TMCO4: variants seen among roughly 807,000 people sequenced by gnomAD.
The protein encoded by TMCO4 is transmembrane and coiled-coil domain-containing protein 4.
A neutral mutation model predicts 64.7 loss-of-function variants in TMCO4; 58 were observed. The observed-to-expected ratio is 0.90, with a 90% CI of 0.73 to 1.12. The LOEUF (loss-of-function observed/expected upper bound fraction) is 1.12, where lower values mean the gene tolerates loss of function less well. Among genes scored for constraint, TMCO4 ranks in the 50% most tolerant of loss-of-function variants. The pLI, the probability that TMCO4 is intolerant of heterozygous loss-of-function variation, is 0.00. For missense variants in TMCO4, 780 were observed against 825.9 expected, an observed-to-expected ratio of 0.94 and a Z score of 0.68; for synonymous variants, 325 against 346.1, an observed-to-expected ratio of 0.94 and a Z score of 0.68.
At chr1:19,707,684 C>T (rs997359072) in intron 13 of TMCO4, among the ~76,000 whole-genome samples, 13 of 152,146 alleles carry the variant, frequency 8.5e-5, no homozygotes, top group Non-Finnish European at 1.6e-4. Flanking sequence ...TTTAGGTGCA[C>T]GCCTAGCCTT....
intron 7 of TMCO4, among the ~76,000 whole-genome samples, chr1:19,752,792 A>G (rs990719578): frequency 6.6e-6 from 1 of 151,752 alleles, no homozygotes; most frequent in Admixed American, 6.6e-5. Flanking sequence ...TGGCTGAGTT[A>G]TGCCACCCCT....
chr1:19,725,537 T>A (rs1421808726), intron 13 of TMCO4, among the ~76,000 whole-genome samples: 1 of 152,144 alleles, frequency 6.6e-6, no homozygotes, highest in African/African-American at 2.4e-5. Context: ...GGTCCCATAG[T>A]GAGTGCTCAG....
At chr1:19,784,262 G>A (rs757695461) in intron 3 of TMCO4, among the ~76,000 whole-genome samples, 3 of 152,170 alleles carry the variant, frequency 2.0e-5, no homozygotes, top group Admixed American at 6.5e-5. Flanking sequence ...GGCTGGGCGC[G>A]GTAGCTCACG....
chr1:19,734,317 C>T lies in TMCO4; in HGVS notation c.1264+3055G>A, dbSNP rs938540197. On this transcript the variant is annotated intron_variant, in intron 13 of 15. Transcript: ENST00000294543. The surrounding 1 kb of genome is among the most constrained non-coding windows in gnomAD (Gnocchi z 4.4). ...AGAGAACAGCAGGGGCATTAGAGGC[C>T]CTTGGGGTCTGCCGAGTTGCTGCCG... is the stretch of plus-strand genomic sequence containing the variant. 6.6e-6 allele frequency among the ~76,000 whole-genome samples: 1 copy of T among 152,074 alleles called. No individual in the cohort carries two copies. The highest frequency in any genetic ancestry group is 2.4e-5 in the African/African-American group (1 of 41,380).
chr1:19,790,038 AG>A, intron 2 of TMCO4, among the ~76,000 whole-genome samples: 1 of 150,076 alleles, frequency 6.7e-6, no homozygotes. Context: ...GGGTGACAAC[AG>A]AGTGAGACTC....
intron 15 of TMCO4, 29 bp from the exon 16 acceptor site, chr1:19,683,473 G>T: frequency 1.2e-6 from 2 of 1,608,928 alleles, no homozygotes. Context: ...GAGCACCACC[G>T]TGGGTGTGCA....
At chr1:19,716,381 C>CTTTTTTTTTTTTTT (rs1262772167) in intron 13 of TMCO4, among the ~76,000 whole-genome samples, 1 of 124,470 alleles carries the variant, frequency 8.0e-6, no homozygotes, top group Non-Finnish European at 1.7e-5. Context: ...TTTTTTCTTT[C>CTTTTTTTTTTTTTT]TTTTTTTTTT....
intron 8 of TMCO4, among the ~76,000 whole-genome samples, chr1:19,746,923 C>CAAA (rs199888917): frequency 0.041 from 2,027 of 49,648 alleles, 49 homozygotes; most frequent in Non-Finnish European, 0.066. Flanking sequence ...GATACTGTCT[C>CAAA]AAAAAAAAAA....
At chr1:19,722,752 C>G (rs927176248) in intron 13 of TMCO4, among the ~76,000 whole-genome samples, 1 of 152,132 alleles carries the variant, frequency 6.6e-6, no homozygotes, top group Non-Finnish European at 1.5e-5. Flanking sequence ...TTCCCTGGTT[C>G]CAAGGGAGCG....
chr1:19,778,246 A>T (rs1174154023), intron 4 of TMCO4, among the ~76,000 whole-genome samples: 3 of 44,550 alleles, frequency 6.7e-5, no homozygotes, highest in Admixed American at 4.0e-4. Flanking sequence ...CATTATTTAT[A>T]TTTATTTATT....
chr1:19,684,257 T>A (rs2095129829), intron 15 of TMCO4, among the ~76,000 whole-genome samples: 1 of 151,950 alleles, frequency 6.6e-6, no homozygotes, highest in South Asian at 2.1e-4. Flanking sequence ...CTCAGCCTCC[T>A]GAGTAGCTGG....
At chr1:19,751,230 C>T (rs771623112) in intron 7 of TMCO4, among the ~76,000 whole-genome samples, 6 of 152,304 alleles carry the variant, frequency 3.9e-5, no homozygotes, top group African/African-American at 9.6e-5. Context: ...CACCTTGCTG[C>T]GGTGATATAC....
At chr1:19,697,393 G>C (rs1213313522) in intron 14 of TMCO4, among the ~76,000 whole-genome samples, 2 of 151,840 alleles carry the variant, frequency 1.3e-5, no homozygotes, top group Non-Finnish European at 2.9e-5. Context: ...AAGTAGCTGG[G>C]ACTACAGGTG....
intron 12 of TMCO4, 152 bp downstream of exon 12, chr1:19,739,672 T>C (rs915598436): frequency 1.3e-5 from 14 of 1,057,396 alleles, no homozygotes; most frequent in Non-Finnish European, 1.6e-5. Context: ...ATTCATTACT[T>C]GAACTGGAGA....
Position 19,755,758 on chromosome 1 carries a change from C to A in TMCO4, c.391G>T (p.Asp131Tyr). 6.2e-7 allele frequency: 1 copy of A among 1,613,970 alleles called. No homozygotes were observed. The highest frequency in any genetic ancestry group is 1.1e-5 in the South Asian group (1 of 91,044). Reference protein sequence around the residue: ...LSFSLKDGHYDARARVLVCHM... With the variant: ...LSFSLKDGHYYARARVLVCHM... ...CAAACGAGGACTCTGGCCCGGGCGT[C>A]ATAGTGCCCTCGAAAGACAGAAACA... The change falls in exon 7 of 16, where the codon GAC (aspartate) becomes TAC (tyrosine). Residue 131 changes from aspartate (D) to tyrosine (Y), a missense_variant. Coordinates refer to ENST00000294543, the MANE Select transcript of TMCO4 (RefSeq NM_181719.7).
chr1:19,719,713 G>A (rs772202127), intron 13 of TMCO4, among the ~76,000 whole-genome samples: 12 of 152,116 alleles, frequency 7.9e-5, no homozygotes, highest in Non-Finnish European at 1.6e-4. Context: ...AAAAATTTTG[G>A]CTGGGTGCAG....
intron 13 of TMCO4, among the ~76,000 whole-genome samples, chr1:19,718,628 G>A (rs1170782818): frequency 8.5e-6 from 1 of 117,614 alleles, no homozygotes; most frequent in South Asian, 2.9e-4. Context: ...TCCAGCCTGG[G>A]TAACAGAATG....
At chr1:19,744,732 G>C (rs560158042) in intron 10 of TMCO4, among the ~76,000 whole-genome samples, 1 of 151,034 alleles carries the variant, frequency 6.6e-6, no homozygotes, top group African/African-American at 2.5e-5. Flanking sequence ...CTGGTTTATC[G>C]GGCTAACTCC....
chr1:19,682,673 G>A lies in TMCO4; in HGVS notation c.*367C>T. Reference sequence around the variant, plus strand: ...GCTGGTGTGGGAGCCTCAGGCCCCAGAGAGCCCTCGGGACCTCCTGATGGA... The same window carrying A: ...GCTGGTGTGGGAGCCTCAGGCCCCAAAGAGCCCTCGGGACCTCCTGATGGA... On this transcript the variant is annotated 3_prime_UTR_variant, in exon 16 of 16. Transcript: ENST00000294543. 1.4e-6 allele frequency: 1 copy of A among 717,634 alleles called. No individual in the cohort carries two copies. Among genetic ancestry groups the A allele is most frequent in the Non-Finnish European group, 2.6e-6 (1 of 385,118 alleles). 44.5% of individuals were successfully genotyped at this position (717,634 alleles called of 1,614,324 possible). A position where few individuals can be genotyped will look rare whatever the true frequency, so the allele number is the denominator to read the frequency against.
Sources: allele counts gnomAD v4.1 joint callset (sites outside exome capture counted in the v4.1 genomes callset), GRCh38; gene constraint gnomAD v4.1.1; non-coding constraint Gnocchi (gnomAD v3.1); transcripts MANE v1.5; gene names NCBI Gene and HGNC (gene_info 2026-07-23, HGNC 2026-07-21).